The following MIB1 variants were observed in gnomAD, a reference collection of about 807,000 sequenced individuals.
The protein encoded by MIB1 is MIB E3 ubiquitin protein ligase 1, also known as E3 ubiquitin-protein ligase MIB1.
MIB1 carries 278 observed loss-of-function variants against 124.5 expected under a neutral mutation model. The observed-to-expected ratio is 2.23, with a 90% confidence interval of 2.02 to 2.47. MIB1 has a LOEUF of 2.47. MIB1 is among the 30% of genes most tolerant of loss of function. MIB1 has a pLI of 0.00. For missense variants in MIB1, 957 were observed against 1,254.4 expected, an observed-to-expected ratio of 0.76 and a Z score of 3.58; for synonymous variants, 446 against 429.4, an observed-to-expected ratio of 1.04 and a Z score of -0.48.
At chr18:21,750,032 A>G (rs1266109282) in intron 1 of MIB1, among the ~76,000 whole-genome samples, 1 of 151,544 alleles carries the variant, frequency 6.6e-6, no homozygotes, top group African/African-American at 2.4e-5. Flanking sequence ...CTGCTCTGCT[A>G]ATTATTACCT....
chr18:21,787,222 C>G (rs1051776853), intron 6 of MIB1, among the ~76,000 whole-genome samples: 1 of 151,998 alleles, frequency 6.6e-6, no homozygotes, highest in Non-Finnish European at 1.5e-5. Context: ...CTGAATTGGG[C>G]GGGAAGGAGT....
At chr18:21,766,981 A>C (rs910984799) in intron 2 of MIB1, among the ~76,000 whole-genome samples, 1 of 152,232 alleles carries the variant, frequency 6.6e-6, no homozygotes, top group Non-Finnish European at 1.5e-5. Context: ...AAGATGTAGA[A>C]CAATAGGGAT....
intron 9 of MIB1, among the ~76,000 whole-genome samples, chr18:21,803,445 A>T (rs1054811993): frequency 1.3e-5 from 2 of 152,110 alleles, no homozygotes; most frequent in Non-Finnish European, 2.9e-5. Flanking sequence ...ATATATCCTT[A>T]TTTATTGTCC....
chr18:21,795,681 T>C (rs1433836414), intron 7 of MIB1, among the ~76,000 whole-genome samples: 2 of 152,036 alleles, frequency 1.3e-5, no homozygotes, highest in African/African-American at 2.4e-5. Context: ...TGAAACTAAG[T>C]GTGTTTCTGT....
chr18:21,811,723 A>G (rs1215181128), intron 10 of MIB1, among the ~76,000 whole-genome samples: 1 of 152,104 alleles, frequency 6.6e-6, no homozygotes, highest in Non-Finnish European at 1.5e-5. Flanking sequence ...AATAGGGTGT[A>G]GAGTTTCAGT....
At chr18:21,850,829 AAG>A (rs2042173766) in intron 17 of MIB1, among the ~76,000 whole-genome samples, 1 of 152,172 alleles carries the variant, frequency 6.6e-6, no homozygotes, top group African/African-American at 2.4e-5. Flanking sequence ...TAGTTTGGGA[AAG>A]AATACAAAAG....
In MIB1 at chr18:21,806,991, A is replaced by G. The variant is rs2041716313; in HGVS notation, c.1479+2977A>G. Among the ~76,000 whole-genome samples the G allele has an allele frequency of 2.0e-5, 3 of 152,222 alleles. No homozygotes were observed. In the South Asian group the frequency reaches 6.2e-4, roughly 31 times the overall value. On this transcript the variant is annotated intron_variant, in intron 10 of 20. Transcript: ENST00000261537. ...GTGAGATACATGGGACTTTTACCAT[A>G]TTCCTCATTTGGATTTCCATTTTGT...
chr18:21,789,943 A>T (rs981883442), intron 6 of MIB1, among the ~76,000 whole-genome samples: 13 of 152,290 alleles, frequency 8.5e-5, no homozygotes, highest in African/African-American at 3.1e-4. Flanking sequence ...TCAGTGTGGA[A>T]TTAGGGTAGG....
chr18:21,868,114 A>AT lies in MIB1; in HGVS notation c.*3454dup, dbSNP rs996094861. 3 of 151,960 alleles carry AT rather than the reference A, an allele frequency of 2.0e-5. 1 individual carries two copies. The highest frequency in any genetic ancestry group is 4.1e-4 in the South Asian group (2 of 4,826). The allele number at this position is 151,960 out of a possible 1,614,324, so 9.4% of individuals were successfully genotyped here. A position where few individuals can be genotyped will look rare whatever the true frequency, so the allele number is the denominator to read the frequency against. The stretch of plus-strand genomic sequence containing the variant: ...ATTGAATTTTTGAATAGTTTTTTGT[A>AT]TTTTTTGTGATGAAAAACTCATAAC... On this transcript the variant is annotated 3_prime_UTR_variant, in exon 21 of 21. Transcript: ENST00000261537.
intron 1 of MIB1, among the ~76,000 whole-genome samples, chr18:21,714,730 T>C (rs1055985871): frequency 1.3e-5 from 2 of 152,184 alleles, no homozygotes; most frequent in Admixed American, 1.3e-4. Flanking sequence ...CCAACTGCCA[T>C]GTAAGAAGTC....
At chr18:21,721,792 T>G (rs545061536) in intron 1 of MIB1, among the ~76,000 whole-genome samples, 1 of 152,314 alleles carries the variant, frequency 6.6e-6, no homozygotes, top group African/African-American at 2.4e-5. Context: ...ATTCTAAACT[T>G]AGAGAAAAGT....
chr18:21,737,489 G>T (rs1297368326), upstream of MIB1, among the ~76,000 whole-genome samples: 1 of 152,094 alleles, frequency 6.6e-6, no homozygotes, highest in Admixed American at 6.5e-5. Context: ...AAAATAACCA[G>T]CTAGCATCAT....
At chr18:21,738,166 T>C (rs1470161584), upstream of MIB1, among the ~76,000 whole-genome samples, 1 of 152,050 alleles carries the variant, frequency 6.6e-6, no homozygotes, top group Non-Finnish European at 1.5e-5. Context: ...CTGGTTATTC[T>C]GCATAATTGG....
intron 1 of MIB1, among the ~76,000 whole-genome samples, chr18:21,734,592 G>A (rs552484836): frequency 1.3e-5 from 2 of 150,702 alleles, no homozygotes; most frequent in African/African-American, 2.4e-5. Flanking sequence ...GCAGTGGCAC[G>A]ATCTCAGCTC....
intron 10 of MIB1, among the ~76,000 whole-genome samples, chr18:21,806,707 T>C (rs908912786): frequency 6.6e-5 from 10 of 151,734 alleles, no homozygotes; most frequent in African/African-American, 2.4e-4. Context: ...CACTGCAAGC[T>C]CTGCCTCCCG....
At chr18:21,863,559 G>A (rs1383656892) in intron 20 of MIB1, among the ~76,000 whole-genome samples, 3 of 152,170 alleles carry the variant, frequency 2.0e-5, no homozygotes, top group Non-Finnish European at 4.4e-5. Context: ...CTCCTCCGAA[G>A]TCCAGTCATC....
chr18:21,721,159 GTT>G lies in MIB1; in HGVS notation n.167+16074_167+16075del, dbSNP rs34277676. The stretch of plus-strand genomic sequence containing the variant: ...TGAAAGATTTAAACATTTTAAAGAA[GTT>G]TTTTTTTTTTTTTTTTTTTTTTTTT... On this transcript the variant is annotated intron_variant and non_coding_transcript_variant, in intron 1 of 20. Transcript: ENST00000578646. Among the ~76,000 whole-genome samples, 19 of 29,754 alleles carry G rather than the reference GTT, an allele frequency of 6.4e-4. 1 individual carries two copies. The highest frequency in any genetic ancestry group is 1.5e-3 in the African/African-American group (16 of 10,466). The allele number at this position is 29,754 out of a possible 152,430, so 19.5% of individuals were successfully genotyped here. A position where few individuals can be genotyped will look rare whatever the true frequency, so the allele number is the denominator to read the frequency against.
chr18:21,844,270 TTTCA>T lies in MIB1; in HGVS notation c.2211+22_2211+25del. On this transcript the variant is annotated intron_variant, in intron 15 of 20. Coordinates refer to ENST00000261537, the MANE Select transcript of MIB1 (RefSeq NM_020774.4). ...AAAAACACGGTGAGTAAAGATCATC[TTTCA>T]TTCAGTACCAGTGGAAGAATCTTTT... The T allele has an allele frequency of 6.2e-7, 1 of 1,612,278 alleles. No homozygotes were observed. Among genetic ancestry groups the T allele is most frequent in the South Asian group, 1.1e-5 (1 of 90,892 alleles).
chr18:21,856,561 G>T (rs1056603366), intron 18 of MIB1, among the ~76,000 whole-genome samples: 1 of 152,128 alleles, frequency 6.6e-6, no homozygotes, highest in Non-Finnish European at 1.5e-5. Flanking sequence ...ATCATGTCCG[G>T]GGGTGTTGGG....
Sources: gnomAD v4.1 joint callset for allele counts (sites outside exome capture counted in the v4.1 genomes callset) on GRCh38, gnomAD v4.1.1 for gene constraint, MANE v1.5 for transcripts, NCBI Gene and HGNC (gene_info 2026-07-23, HGNC 2026-07-21) for gene names.